The following DCDC2 variants were observed in gnomAD, a reference collection of about 807,000 sequenced individuals.
DCDC2 encodes doublecortin domain containing 2.
A neutral mutation model predicts 50.2 loss-of-function variants in DCDC2; 40 were observed. That is an observed-to-expected ratio of 0.80 (90% CI 0.62 to 1.04). The LOEUF (loss-of-function observed/expected upper bound fraction) is 1.04. DCDC2 is among the 50% of genes least tolerant of loss of function. The pLI, the probability that DCDC2 is intolerant of heterozygous loss-of-function variation, is 0.00. For missense variants in DCDC2, 570 were observed against 581.9 expected, an observed-to-expected ratio of 0.98 and a Z score of 0.21; for synonymous variants, 234 against 210.6, an observed-to-expected ratio of 1.11 and a Z score of -0.96.
intron 8 of DCDC2, among the ~76,000 whole-genome samples, chr6:24,180,410 G>A (rs958342443): frequency 1.3e-4 from 19 of 151,662 alleles, no homozygotes; most frequent in East Asian, 5.8e-4. Context: ...TCAGCCCCCC[G>A]AGTAGCTGGG....
intron 8 of DCDC2, 119 bp from the exon 9 acceptor site, chr6:24,178,751 A>T (rs998026704): frequency 2.6e-5 from 26 of 998,790 alleles, no homozygotes; most frequent in Non-Finnish European, 3.6e-5. Flanking sequence ...ACATTTGCAT[A>T]GTACTTTACA....
intron 8 of DCDC2, among the ~76,000 whole-genome samples, chr6:24,185,536 T>C (rs1032519711): frequency 8.5e-5 from 13 of 152,190 alleles, no homozygotes; most frequent in African/African-American, 2.9e-4. Context: ...AATGCTGCTA[T>C]GACAGATCTG....
chr6:24,199,054 C>T (rs891586178), intron 8 of DCDC2, among the ~76,000 whole-genome samples: 2 of 152,244 alleles, frequency 1.3e-5, no homozygotes, highest in African/African-American at 4.8e-5. Context: ...GACAGAGCAC[C>T]TGCGGGAAGC....
chr6:24,187,041 G>A (rs1363089478), intron 8 of DCDC2, among the ~76,000 whole-genome samples: 1 of 152,092 alleles, frequency 6.6e-6, no homozygotes, highest in Non-Finnish European at 1.5e-5. Flanking sequence ...AGTCTGCAGT[G>A]TTTTGTTATG....
intron 7 of DCDC2, among the ~76,000 whole-genome samples, chr6:24,218,062 AGAT>A (rs1250674712): frequency 7.6e-6 from 1 of 131,186 alleles, no homozygotes; most frequent in Non-Finnish European, 1.6e-5. Flanking sequence ...CTCCATTTTA[AGAT>A]GATGACCTAA....
intron 7 of DCDC2, among the ~76,000 whole-genome samples, chr6:24,227,344 G>A (rs765340870): frequency 6.6e-6 from 1 of 152,174 alleles, no homozygotes; most frequent in Non-Finnish European, 1.5e-5. Context: ...GCCCTTCTAT[G>A]TGGTCTGTAG....
chr6:24,377,852 G>A, the DCDC2 span, among the ~76,000 whole-genome samples: 1 of 152,132 alleles, frequency 6.6e-6, no homozygotes, highest in Non-Finnish European at 1.5e-5. Context: ...AGCCAGGCAT[G>A]GTGGCAGGTG....
chr6:24,257,363 A>C (rs1325651855), intron 7 of DCDC2, among the ~76,000 whole-genome samples: 1 of 152,186 alleles, frequency 6.6e-6, no homozygotes, highest in Non-Finnish European at 1.5e-5. Context: ...CAAAGATGAA[A>C]AAGACAATAA....
the DCDC2 span, among the ~76,000 whole-genome samples, chr6:24,378,221 T>G: frequency 4.6e-5 from 7 of 152,296 alleles, no homozygotes; most frequent in African/African-American, 1.4e-4. Context: ...ATAGGCACTG[T>G]GGGTGCTCTG....
At chr6:24,180,824 GT>G (rs1761055068) in intron 8 of DCDC2, among the ~76,000 whole-genome samples, 1 of 152,020 alleles carries the variant, frequency 6.6e-6, no homozygotes, top group Admixed American at 6.6e-5. Context: ...AATGCTTTCA[GT>G]TTTGGAAGTA....
intron 2 of DCDC2, among the ~76,000 whole-genome samples, chr6:24,343,952 A>G (rs1760207752): frequency 6.6e-6 from 1 of 152,192 alleles, no homozygotes; most frequent in Non-Finnish European, 1.5e-5. Flanking sequence ...ATCACCTCAC[A>G]TATTTATCAC....
chr6:24,230,503 G>C (rs1487065024), intron 7 of DCDC2, among the ~76,000 whole-genome samples: 2 of 152,090 alleles, frequency 1.3e-5, no homozygotes, highest in African/African-American at 4.8e-5. Flanking sequence ...AATTAGCTGA[G>C]TGTGGTGGCG....
At chr6:24,222,954 G>GA (rs1251037711) in intron 7 of DCDC2, among the ~76,000 whole-genome samples, 1 of 152,040 alleles carries the variant, frequency 6.6e-6, no homozygotes, top group Admixed American at 6.5e-5. Flanking sequence ...GAACTTTTAA[G>GA]AAAAAAAGAC....
Position 24,178,520 on chromosome 6 carries a change from C to T in DCDC2, c.1136G>A (p.Arg379Lys), listed in dbSNP as rs986382887. Reference protein sequence around the residue: ...MNGDLEEEGGREATDAPEQVE... With the variant: ...MNGDLEEEGGKEATDAPEQVE... ...TTGCTCAGGGGCATCTGTAGCCTCC[C>T]TACCTCCTTCCTCTTCAAGGTCACC... The change falls in exon 9 of 10, where the codon AGG (arginine) becomes AAG (lysine). Residue 379 changes from arginine to lysine, a missense_variant. By Grantham distance (26) the Arg-to-Lys change is conservative. Coordinates refer to ENST00000378454, the MANE Select transcript of DCDC2 (RefSeq NM_016356.5). 11 of 1,614,154 alleles carry T rather than the reference C, an allele frequency of 6.8e-6. No individual in the cohort carries two copies. Among genetic ancestry groups the T allele is most frequent in the South Asian group, 3.3e-5 (3 of 91,086 alleles).
At chr6:24,324,690 C>T (rs997264145) in intron 2 of DCDC2, among the ~76,000 whole-genome samples, 1 of 151,916 alleles carries the variant, frequency 6.6e-6, no homozygotes, top group African/African-American at 2.4e-5. Flanking sequence ...TCAAAAACAG[C>T]CCGAATAATA....
intron 7 of DCDC2, among the ~76,000 whole-genome samples, chr6:24,212,862 A>G (rs207466801): frequency 9.2e-5 from 14 of 152,328 alleles, no homozygotes; most frequent in African/African-American, 3.4e-4. Flanking sequence ...TAGGGAAGTC[A>G]TATCACCACT....
rs1760847075 is a variant in DCDC2 at position 24,174,092 on chromosome 6, T to A, written c.*638A>T. 6.6e-6 allele frequency: 1 copy of A among 152,248 alleles called. No homozygotes were observed. The highest frequency in any genetic ancestry group is 6.5e-5 in the Admixed American group (1 of 15,282). 9.4% of individuals were successfully genotyped at this position (152,248 alleles called of 1,614,324 possible). On this transcript the variant is annotated 3_prime_UTR_variant, in exon 10 of 10. Coordinates refer to ENST00000378454, the MANE Select transcript of DCDC2 (RefSeq NM_016356.5). ...CCACAAGCATGCAAGCCTGAAAGCA[T>A]TTAAGTGACGGCATGGCGATACTAG...
intron 7 of DCDC2, among the ~76,000 whole-genome samples, chr6:24,217,469 C>A (rs559483566): frequency 1.5e-4 from 23 of 152,316 alleles, no homozygotes; most frequent in African/African-American, 5.5e-4. Flanking sequence ...CAATCTAACT[C>A]TCAGACAAGT....
intron 2 of DCDC2, among the ~76,000 whole-genome samples, chr6:24,325,828 G>A (rs1479443701): frequency 6.7e-6 from 1 of 148,952 alleles, no homozygotes; most frequent in Non-Finnish European, 1.5e-5. Context: ...AATGAGAAAT[G>A]AGTCACATTT....
Sources: gnomAD v4.1 joint callset for allele counts (sites outside exome capture counted in the v4.1 genomes callset) on GRCh38, gnomAD v4.1.1 for gene constraint, MANE v1.5 for transcripts, NCBI Gene and HGNC (gene_info 2026-07-23, HGNC 2026-07-21) for gene names.